The following SCAND1 variants were observed in gnomAD, a reference collection of about 807,000 sequenced individuals.
SCAND1 encodes SCAN domain-containing protein 1.
Under a neutral mutation model 3.4 loss-of-function variants are expected in SCAND1, and 3 were observed. The ratio of observed to expected loss-of-function variants is 0.87; its 90% confidence interval spans 0.40 to 2.25. The LOEUF is 2.25. SCAND1 is among the 30% of genes most tolerant of loss of function. The pLI is 0.05. For synonymous variants in SCAND1, 152 were observed against 120.5 expected (o/e 1.26, Z -1.72); for missense variants, 303 against 258.8 (o/e 1.17, Z -1.17).
rs1222518891 is a variant in SCAND1, at chr20:35,954,502, C to A, written c.-110G>T. ...GAAGCGAAAGTCTCTGGCTTCTCTGCGTCCAGGTCGGCGCGCGAGCACCCG... is the reference window on the plus strand; with the variant it reads ...GAAGCGAAAGTCTCTGGCTTCTCTGAGTCCAGGTCGGCGCGCGAGCACCCG... On this transcript the variant is annotated 5_prime_UTR_variant, in exon 1 of 2. Transcript: ENST00000305978. 2.0e-6 allele frequency: 3 copies of A among 1,536,938 alleles called. No homozygotes were observed.
Position 35,954,057 on chromosome 20 carries a change from G to A in SCAND1, c.228C>T (p.Leu76=). Residue 76 remains leucine (L), a synonymous_variant, in exon 2 of 2, where the codon CTC becomes CTT. Coordinates refer to ENST00000305978, the MANE Select transcript of SCAND1 (RefSeq NM_033630.3). Reference sequence around the variant, plus strand: ...GCGCTACGCTCACGGGTGCGGGCCCGAGAGGCAGCTCCAGGGCCGCGGAGG... The same window carrying A: ...GCGCTACGCTCACGGGTGCGGGCCCAAGAGGCAGCTCCAGGGCCGCGGAGG... The part of the protein sequence containing the change: ...AAASAALELP[L]GPAPVSVAPQ... 2 of 1,540,328 alleles carry A rather than the reference G, an allele frequency of 1.3e-6. No homozygotes were observed. The highest frequency in any genetic ancestry group is 1.8e-6 in the Non-Finnish European group (2 of 1,141,514).
Position 35,954,331 on chromosome 20 carries a change from G to C in SCAND1, c.-47C>G. The C allele has an allele frequency of 4.3e-6, 7 of 1,611,842 alleles. No homozygotes were observed. The highest frequency in any genetic ancestry group is 5.9e-6 in the Non-Finnish European group (7 of 1,179,000). On this transcript the variant is annotated 5_prime_UTR_variant, in exon 2 of 2. Coordinates refer to ENST00000305978, the MANE Select transcript of SCAND1 (RefSeq NM_033630.3). ...TCTTTGTCCGGTAGCTGTGTGCTCA[G>C]CACTGCGTCTGCGCGGGGGTGGGGT...
chr20:35,954,242 C>A lies in SCAND1; in HGVS notation c.43G>T (p.Ala15Ser), dbSNP rs745683454. The change falls in exon 2 of 2, where the codon GCG becomes TCG. Residue 15 changes from alanine to serine, a missense_variant. Coordinates refer to ENST00000305978, the MANE Select transcript of SCAND1 (RefSeq NM_033630.3). Reference protein sequence around the residue: ...EPILAATGSPAAVPPEKLEGA... With the variant: ...EPILAATGSPSAVPPEKLEGA... ...TCCAGTTTCTCCGGTGGCACCGCCGCGGGACTCCCAGTGGCCGCCAAGATC... is the reference window on the plus strand; with the variant it reads ...TCCAGTTTCTCCGGTGGCACCGCCGAGGGACTCCCAGTGGCCGCCAAGATC... 2 of 1,612,952 alleles carry A rather than the reference C, an allele frequency of 1.2e-6. No individual in the cohort carries two copies. Among genetic ancestry groups the A allele is most frequent in the Non-Finnish European group, 1.7e-6 (2 of 1,179,928 alleles).
At chr20:35,958,382 A>C (rs1257792636), upstream of SCAND1, among the ~76,000 whole-genome samples, 1 of 152,214 alleles carries the variant, frequency 6.6e-6, no homozygotes, top group Non-Finnish European at 1.5e-5. Context: ...CAGTGAGCTG[A>C]GATCGTGCCA....
rs1169281620 is a variant in SCAND1 at position 35,953,774 on chromosome 20, GGCGGATC to G, written c.504_510del (p.Ile169AlafsTer28). 1 of 1,487,508 alleles carries G rather than the reference GGCGGATC, an allele frequency of 6.7e-7. No homozygotes were observed. The highest frequency in any genetic ancestry group is 1.4e-5 in the African/African-American group (1 of 69,894). 92.1% of individuals were successfully genotyped at this position (1,487,508 alleles called of 1,614,324 possible). On this transcript the variant is annotated frameshift_variant, in exon 2 of 2. Transcript: ENST00000305978. LOFTEE classifies it high-confidence loss of function. Reference sequence around the variant, plus strand: ...CCAGTGATGCGCACATCCGTGCGGCGGCGGATCCGCCGGGCCCGAGCCGCCTCGGGCA... The same window carrying G: ...CCAGTGATGCGCACATCCGTGCGGCGCGCCGGGCCCGAGCCGCCTCGGGCA...
upstream of SCAND1, chr20:35,954,680 C>G: frequency 8.4e-7 from 1 of 1,191,256 alleles, no homozygotes; most frequent in South Asian, 1.5e-5. Context: ...GAGGAGGAGT[C>G]GGAGGAGGAG....
chr20:35,954,108 T>C lies in SCAND1; in HGVS notation c.177A>G (p.Glu59=). 6.5e-7 allele frequency: 1 copy of C among 1,542,556 alleles called. No individual in the cohort carries two copies. Among genetic ancestry groups the C allele is most frequent in the East Asian group, 2.5e-5 (1 of 40,768 alleles). ...CCGCAGCTCGGGGCGTAGGGATGGC[T>C]TCAGGGACCGCGGCGTTGGGACTGG... The part of the protein sequence containing the change: ...EPSSPNAAVP[E]AIPTPRAAAS... Residue 59 remains glutamate, a synonymous_variant, in exon 2 of 2, where the codon GAA becomes GAG. Transcript: ENST00000305978.
intron 1 of SCAND1, 34 bp downstream of exon 1, chr20:35,954,414 G>C (rs2056224329): frequency 3.2e-6 from 5 of 1,553,380 alleles, no homozygotes; most frequent in East Asian, 2.4e-5. Context: ...GAGGGAGTCG[G>C]ACTCGGGACC....
At chr20:35,954,627 G>A (rs1380404792), upstream of SCAND1, 3 of 1,324,174 alleles carry the variant, frequency 2.3e-6, no homozygotes, top group East Asian at 7.9e-5. Context: ...GCTGCGCGTG[G>A]CCTGGGCTCC....
Position 35,954,209 on chromosome 20 carries a change from C to T in SCAND1, c.76G>A (p.Gly26Ser). ...TTACGCTCAGGGGCTGAGCTCGAAC[C>T]GGCTCCTTCCAGTTTCTCCGGTGGC... ...AVPPEKLEGA[G>S]SSSAPERNCV... Residue 26 changes from glycine (G) to serine (S), a missense_variant, in exon 2 of 2, where the codon GGT becomes AGT. Coordinates refer to ENST00000305978, the MANE Select transcript of SCAND1 (RefSeq NM_033630.3). 1.2e-6 allele frequency: 2 copies of T among 1,612,482 alleles called. No individual in the cohort carries two copies. The highest frequency in any genetic ancestry group is 1.7e-6 in the Non-Finnish European group (2 of 1,179,908).
chr20:35,954,206 A>T lies in SCAND1; in HGVS notation c.79T>A (p.Ser27Thr). The change falls in exon 2 of 2, where the codon TCG (serine) becomes ACG (threonine). Residue 27 changes from serine to threonine, a missense_variant. Physicochemically the swap from Ser to Thr is moderately conservative, Grantham distance 58 (BLOSUM62 1). Transcript: ENST00000305978. The part of the protein sequence containing the change: ...VPPEKLEGAG[S>T]SSAPERNCVG... Reference sequence around the variant, plus strand: ...CAGTTACGCTCAGGGGCTGAGCTCGAACCGGCTCCTTCCAGTTTCTCCGGT... The same window carrying T: ...CAGTTACGCTCAGGGGCTGAGCTCGTACCGGCTCCTTCCAGTTTCTCCGGT... 6.2e-7 allele frequency: 1 copy of T among 1,612,486 alleles called. No individual in the cohort carries two copies. Among genetic ancestry groups the T allele is most frequent in the Non-Finnish European group, 8.5e-7 (1 of 1,179,908 alleles).
chr20:35,954,562 C>G (rs767349930), upstream of SCAND1: 1 of 1,480,354 alleles, frequency 6.8e-7, no homozygotes, highest in Non-Finnish European at 9.1e-7. Context: ...GCGGCGCCCT[C>G]TAGCGTTCTC....
At chr20:35,954,538 G>C, upstream of SCAND1, 1 of 1,510,214 alleles carries the variant, frequency 6.6e-7, no homozygotes, top group Non-Finnish European at 8.9e-7. Context: ...GAAGCCGCTT[G>C]CGGGCTCCCG....
chr20:35,954,967 G>T (rs2056238329), upstream of SCAND1: 1 of 207,684 alleles, frequency 4.8e-6, no homozygotes, highest in Non-Finnish European at 1.1e-5. Flanking sequence ...AACTAGGAGG[G>T]CGATAGCACC....
upstream of SCAND1, among the ~76,000 whole-genome samples, chr20:35,958,509 A>G (rs1408510103): frequency 2.0e-5 from 3 of 152,244 alleles, no homozygotes; most frequent in Admixed American, 6.5e-5. Flanking sequence ...GAGAGGTTTC[A>G]TGTACCCTTC....
chr20:35,954,264 G>C lies in SCAND1; in HGVS notation c.21C>G (p.Ile7Met). ...CCGCGGGACTCCCAGTGGCCGCCAA[G>C]ATCGGCTCCGTAGCCGCCATAACTC... MAATEPILAATGSPAAV... is the reference protein window; with the variant it reads MAATEPMLAATGSPAAV... Residue 7 changes from isoleucine to methionine, a missense_variant, in exon 2 of 2, where the codon ATC becomes ATG. By Grantham distance (10) the Ile-to-Met change is conservative. Coordinates refer to ENST00000305978, the MANE Select transcript of SCAND1 (RefSeq NM_033630.3). 1 of 1,612,780 alleles carries C rather than the reference G, an allele frequency of 6.2e-7. No individual in the cohort carries two copies.
upstream of SCAND1, among the ~76,000 whole-genome samples, chr20:35,956,455 C>G (rs2056257910): frequency 6.6e-6 from 1 of 152,204 alleles, no homozygotes; most frequent in Non-Finnish European, 1.5e-5. Flanking sequence ...AGACAAGATA[C>G]TCTGTCCCAT....
upstream of SCAND1, among the ~76,000 whole-genome samples, chr20:35,956,678 AG>A (rs1271950744): frequency 1.3e-5 from 2 of 152,218 alleles, no homozygotes; most frequent in Admixed American, 1.3e-4. Context: ...TGCTGCCCAG[AG>A]TGACCAACAG....
At chr20:35,954,613 G>A, upstream of SCAND1, 1 of 1,356,654 alleles carries the variant, frequency 7.4e-7, no homozygotes, top group Non-Finnish European at 9.7e-7. Flanking sequence ...GTGCGGGAGG[G>A]CGAGCTGCGC....
Sources: allele counts gnomAD v4.1 joint callset (sites outside exome capture counted in the v4.1 genomes callset), GRCh38; gene constraint gnomAD v4.1.1; transcripts MANE v1.5; gene names NCBI Gene and HGNC (gene_info 2026-07-23, HGNC 2026-07-21).